Variants in ST7 observed in about 807,000 individuals in gnomAD.
ST7 encodes suppression of tumorigenicity 7.
In ST7, 28 loss-of-function variants were observed where a neutral mutation model predicts 78.7. The observed-to-expected ratio is 0.36, with a 90% CI of 0.26 to 0.49. ST7 has a LOEUF of 0.49. Ranked by LOEUF, ST7 falls within the 20% of genes least tolerant of loss-of-function variation. The pLI is 0.99. For synonymous variants in ST7, 247 were observed against 249.6 expected, an observed-to-expected ratio of 0.99 and a Z score of 0.10; for missense variants, 418 against 696.0, an observed-to-expected ratio of 0.60 and a Z score of 4.49.
At chr7:117,180,766 C>T (rs932885584) in intron 10 of ST7, among the ~76,000 whole-genome samples, 4 of 152,118 alleles carry the variant, frequency 2.6e-5, no homozygotes, top group Admixed American at 2.6e-4. Flanking sequence ...CCTCCCACCT[C>T]AGCCTCCCAA....
chr7:117,024,826 G>A (rs942887056), intron 1 of ST7, among the ~76,000 whole-genome samples: 3 of 152,132 alleles, frequency 2.0e-5, no homozygotes, highest in Non-Finnish European at 4.4e-5. Flanking sequence ...ACCTGGGGTA[G>A]GCAGCCAGAT....
At chr7:117,103,869 A>G (rs1350402702) in intron 2 of ST7, among the ~76,000 whole-genome samples, 1 of 152,240 alleles carries the variant, frequency 6.6e-6, no homozygotes, top group Admixed American at 6.5e-5. Context: ...ACCAGAATAT[A>G]TAAGGAGCTC....
chr7:117,021,842 T>G (rs575512762), intron 1 of ST7, among the ~76,000 whole-genome samples: 1 of 152,316 alleles, frequency 6.6e-6, no homozygotes, highest in African/African-American at 2.4e-5. Context: ...TTAGGCATAA[T>G]TTTTTAATTC....
At chr7:116,961,465 A>G (rs1585046033) in intron 1 of ST7, among the ~76,000 whole-genome samples, 1 of 151,626 alleles carries the variant, frequency 6.6e-6, no homozygotes, top group East Asian at 1.9e-4. Flanking sequence ...ATGTTTTTCC[A>G]TTTGCTTGTG....
rs1289505384 is a variant in ST7, at chr7:117,170,975, T to C, written c.1077T>C (p.Asp359=). Residue 359 remains aspartate, a splice_region_variant and synonymous_variant, in exon 10 of 16, where the codon GAT becomes GAC. Transcript: ENST00000323984. ...TTCAGGCAGTCTTAGCAAAGTATGATGGTAAGTTCTTGGGTATTTTTATTT... is the reference window on the plus strand; with the variant it reads ...TTCAGGCAGTCTTAGCAAAGTATGACGGTAAGTTCTTGGGTATTTTTATTT... ...ADVQAVLAKY[D]DISLPKSATI... The C allele has an allele frequency of 6.3e-7, 1 of 1,592,808 alleles. No homozygotes were observed.
chr7:117,140,705 C>T (rs1003823967), intron 9 of ST7, among the ~76,000 whole-genome samples: 7 of 152,012 alleles, frequency 4.6e-5, no homozygotes, highest in African/African-American at 7.2e-5. Context: ...TCTTATATTA[C>T]GTTTCTAAAA....
intron 1 of ST7, among the ~76,000 whole-genome samples, chr7:117,020,939 G>C (rs765336005): frequency 2.6e-5 from 4 of 152,130 alleles, no homozygotes; most frequent in Non-Finnish European, 2.9e-5. Flanking sequence ...TGTAGGCTCC[G>C]TAATGGTGCT....
chr7:117,222,962 T>G (rs1421931868), intron 15 of ST7: 1 of 1,613,378 alleles, frequency 6.2e-7, no homozygotes, highest in African/African-American at 1.3e-5. Flanking sequence ...CACCTCAATC[T>G]CAACATTTCC....
intron 10 of ST7, among the ~76,000 whole-genome samples, chr7:117,175,226 A>G (rs1808265953): frequency 6.6e-6 from 1 of 152,202 alleles, no homozygotes; most frequent in Non-Finnish European, 1.5e-5. Flanking sequence ...TACATTTGCT[A>G]TAAAGACAGC....
chr7:117,090,079 T>A (rs913946298), intron 1 of ST7, among the ~76,000 whole-genome samples: 2 of 152,186 alleles, frequency 1.3e-5, no homozygotes, highest in African/African-American at 4.8e-5. Context: ...ACCTTAACTA[T>A]CCCACATGAC....
At chr7:117,152,647 G>C (rs201235491) in intron 9 of ST7, among the ~76,000 whole-genome samples, 1 of 152,090 alleles carries the variant, frequency 6.6e-6, no homozygotes, top group Non-Finnish European at 1.5e-5. Flanking sequence ...AGCTAGGTTT[G>C]TTCAGTCTTC....
intron 1 of ST7, chr7:116,955,096 G>C (rs1441351110): frequency 2.1e-6 from 1 of 470,862 alleles, no homozygotes; most frequent in Non-Finnish European, 4.4e-6. Flanking sequence ...TGGCTTTCTC[G>C]CTTTTCATCT....
At chr7:117,008,417 A>G (rs891870055) in intron 1 of ST7, among the ~76,000 whole-genome samples, 1 of 152,168 alleles carries the variant, frequency 6.6e-6, no homozygotes. Flanking sequence ...GTTCTACACT[A>G]TGAGTATGTT....
At chr7:117,071,217 C>A (rs769480172) in intron 1 of ST7, among the ~76,000 whole-genome samples, 19 of 152,014 alleles carry the variant, frequency 1.2e-4, no homozygotes, top group Non-Finnish European at 2.5e-4. Context: ...AGCGAGACTC[C>A]GTCTCAAAAC....
At position 117,078,711 on chromosome 7, in the gene ST7, T is replaced by A. The variant is rs533047813; in HGVS notation, c.152-21051T>A. Among the ~76,000 whole-genome samples the A allele has an allele frequency of 2.0e-5, 3 of 152,346 alleles. No individual in the cohort carries two copies. The East Asian group carries it at 5.8e-4, about 29-fold the overall frequency. On this transcript the variant is annotated intron_variant, in intron 1 of 15. Transcript: ENST00000323984. ...ACAAGAAGAGTCATGGTTGTATGGA[T>A]GTTGTTATGGGTTTGAATTAGCATA...
At chr7:117,182,665 C>G (rs1808869968) in intron 10 of ST7, 1 of 152,148 alleles carries the variant, frequency 6.6e-6, no homozygotes, top group South Asian at 2.1e-4. Flanking sequence ...CTGCTCAACA[C>G]CAGGGCCGTT....
At position 116,998,624 on chromosome 7, in the gene ST7, AT is replaced by A. The variant is rs1372301213; in HGVS notation, c.151+44936del. Among the ~76,000 whole-genome samples the A allele has an allele frequency of 5.2e-5, 8 of 152,390 alleles. No individual in the cohort carries two copies. In the South Asian group the frequency reaches 1.7e-3, roughly 32 times the overall value. ...GTTTAATCCAGAAACTGAGTCATTC[AT>A]TTATATGCCAACTATTTATTGAGCA... On this transcript the variant is annotated intron_variant, in intron 1 of 15. Transcript: ENST00000323984.
At chr7:117,223,101 C>A in intron 15 of ST7, 1 of 694,576 alleles carries the variant, frequency 1.4e-6, no homozygotes, top group Non-Finnish European at 2.6e-6. Flanking sequence ...TTCCCTCTCT[C>A]ACTCCCCACA....
chr7:117,053,275 A>C (rs1220242510), intron 1 of ST7, among the ~76,000 whole-genome samples: 3 of 152,214 alleles, frequency 2.0e-5, no homozygotes, highest in African/African-American at 7.2e-5. Context: ...TCAGGGCATC[A>C]GAACAATTGC....
Sources: gnomAD v4.1 joint callset for allele counts (sites outside exome capture counted in the v4.1 genomes callset) on GRCh38, gnomAD v4.1.1 for gene constraint, MANE v1.5 for transcripts, NCBI Gene and HGNC (gene_info 2026-07-23, HGNC 2026-07-21) for gene names.